The following EVA1A variants were observed in gnomAD, a reference collection of about 807,000 sequenced individuals.
The protein encoded by EVA1A is protein eva-1 homolog A.
Under a neutral mutation model 9.8 loss-of-function variants are expected in EVA1A, and 7 were observed. The observed-to-expected ratio is 0.71, with a 90% CI of 0.41 to 1.34. The LOEUF (loss-of-function observed/expected upper bound fraction) is 1.34. EVA1A is among the 40% of genes most tolerant of loss of function. EVA1A has a pLI of 0.01. For synonymous variants in EVA1A, 90 were observed against 85.6 expected, an observed-to-expected ratio of 1.05 and a Z score of -0.28; for missense variants, 206 against 205.9, an observed-to-expected ratio of 1.00 and a Z score of 0.00.
chr2:75,535,810 A>T (rs550885893), intron 1 of EVA1A, among the ~76,000 whole-genome samples: 1 of 152,210 alleles, frequency 6.6e-6, no homozygotes, highest in Non-Finnish European at 1.5e-5. Context: ...GAGAGATGAA[A>T]ACCTACCCAT....
intron 1 of EVA1A, among the ~76,000 whole-genome samples, chr2:75,543,437 G>A (rs1676210238): frequency 6.6e-6 from 1 of 152,002 alleles, no homozygotes. Context: ...TCCCAAAAGT[G>A]ACTCCTAAGG....
intron 1 of EVA1A, among the ~76,000 whole-genome samples, chr2:75,534,385 G>A (rs1558685231): frequency 6.6e-6 from 1 of 152,004 alleles, no homozygotes; most frequent in Non-Finnish European, 1.5e-5. Flanking sequence ...CCAGCAGATG[G>A]TAAATATATA....
At chr2:75,546,675 G>A (rs992664852) in intron 1 of EVA1A, among the ~76,000 whole-genome samples, 2 of 152,192 alleles carry the variant, frequency 1.3e-5, no homozygotes, top group East Asian at 1.9e-4. Context: ...CATGTTAGGG[G>A]TTGAATTGTG....
chr2:75,532,416 A>C (rs572467801), intron 1 of EVA1A, among the ~76,000 whole-genome samples: 2 of 152,272 alleles, frequency 1.3e-5, no homozygotes, highest in African/African-American at 4.8e-5. Flanking sequence ...TAACAACAAT[A>C]ATAAAAGCCA....
chr2:75,509,039 T>C (rs908063040), intron 3 of EVA1A, among the ~76,000 whole-genome samples: 1 of 152,164 alleles, frequency 6.6e-6, no homozygotes, highest in Non-Finnish European at 1.5e-5. Flanking sequence ...GGAGAGCCTG[T>C]GTCGTGTCTT....
chr2:75,498,171 C>A (rs79201479), intron 3 of EVA1A, among the ~76,000 whole-genome samples: 18 of 152,172 alleles, frequency 1.2e-4, no homozygotes, highest in African/African-American at 4.1e-4. Flanking sequence ...AAAATCATGT[C>A]TTTTGCAGCA....
intron 1 of EVA1A, among the ~76,000 whole-genome samples, chr2:75,528,671 G>A (rs1675539528): frequency 6.6e-6 from 1 of 152,094 alleles, no homozygotes; most frequent in African/African-American, 2.4e-5. Context: ...CCCACCTGAT[G>A]GTCTTTTTCT....
At chr2:75,525,678 A>C (rs1675408248) in intron 1 of EVA1A, among the ~76,000 whole-genome samples, 1 of 152,230 alleles carries the variant, frequency 6.6e-6, no homozygotes, top group Non-Finnish European at 1.5e-5. Context: ...ATGGGCCTTA[A>C]AACAGAATGA....
chr2:75,497,444 C>T (rs931915443), intron 3 of EVA1A, among the ~76,000 whole-genome samples: 1 of 152,078 alleles, frequency 6.6e-6, no homozygotes, highest in Non-Finnish European at 1.5e-5. Flanking sequence ...CATCACTAAT[C>T]GTCAGAGAAA....
intron 2 of EVA1A, chr2:75,518,831 G>T (rs1240065367): frequency 1.0e-6 from 1 of 985,334 alleles, no homozygotes; most frequent in South Asian, 4.7e-5. Flanking sequence ...CATCCCTCAG[G>T]TCACTAAATG....
At chr2:75,528,790 C>G (rs1367814921) in intron 1 of EVA1A, among the ~76,000 whole-genome samples, 1 of 152,186 alleles carries the variant, frequency 6.6e-6, no homozygotes, top group Non-Finnish European at 1.5e-5. Flanking sequence ...GGCAAGCTTG[C>G]ATCCCCCAAT....
At position 75,539,666 on chromosome 2, in the gene EVA1A, A is replaced by C. The variant is rs1241095683; in HGVS notation, c.-191-17179T>G. 2.0e-5 allele frequency among the ~76,000 whole-genome samples: 3 copies of C among 152,238 alleles called. No individual in the cohort carries two copies. The East Asian group carries it at 5.8e-4, about 29-fold the overall frequency. On this transcript the variant is annotated intron_variant, in intron 1 of 3. Coordinates refer to ENST00000393913, the MANE Select transcript of EVA1A (RefSeq NM_001135032.2). The stretch of plus-strand genomic sequence containing the variant: ...AATAGATAATGAAGTCAAGAGTACA[A>C]AGATCTTCTTAAGTTCATATAACCT...
At chr2:75,501,837 T>C (rs902234799) in intron 3 of EVA1A, among the ~76,000 whole-genome samples, 8 of 152,190 alleles carry the variant, frequency 5.3e-5, no homozygotes, top group Non-Finnish European at 8.8e-5. Context: ...AGGATGATCC[T>C]TCAGACCAAA....
intron 1 of EVA1A, among the ~76,000 whole-genome samples, chr2:75,541,545 T>C (rs1676118596): frequency 6.6e-6 from 1 of 152,184 alleles, no homozygotes; most frequent in Non-Finnish European, 1.5e-5. Flanking sequence ...TCAAGTCAGA[T>C]AAGTCTGGGC....
chr2:75,555,618 G>A (rs1231041751), intron 1 of EVA1A, among the ~76,000 whole-genome samples: 4 of 152,106 alleles, frequency 2.6e-5, no homozygotes, highest in African/African-American at 9.7e-5. Context: ...GCCCCAGGAG[G>A]AAACAAGGCC....
chr2:75,517,691 C>T lies in EVA1A; in HGVS notation c.85+365G>A, dbSNP rs878908279. 7.4e-5 allele frequency: 49 copies of T among 663,174 alleles called. No homozygotes were observed. In the South Asian group the frequency reaches 8.3e-4, roughly 11 times the overall value. The allele number at this position is 663,174 out of a possible 1,614,324, so 41.1% of individuals were successfully genotyped here. A position where few individuals can be genotyped will look rare whatever the true frequency, so the allele number is the denominator to read the frequency against. On this transcript the variant is annotated intron_variant, in intron 3 of 3. Transcript: ENST00000393913. Reference sequence around the variant, plus strand: ...CACACACAGTCTCACACACAGGCAGCCTGTGTGAGGTTAACTGCATAGAAT... The same window carrying T: ...CACACACAGTCTCACACACAGGCAGTCTGTGTGAGGTTAACTGCATAGAAT...
At chr2:75,512,360 G>C (rs552880157) in intron 3 of EVA1A, among the ~76,000 whole-genome samples, 197 of 152,276 alleles carry the variant, frequency 1.3e-3, no homozygotes, top group African/African-American at 4.6e-3. Flanking sequence ...ATATGTGGGA[G>C]AGTGTGGGTG....
At chr2:75,544,655 A>C (rs1676264522) in intron 1 of EVA1A, among the ~76,000 whole-genome samples, 1 of 152,238 alleles carries the variant, frequency 6.6e-6, no homozygotes. Flanking sequence ...ACCTCTCATG[A>C]TGATACAACA....
At chr2:75,509,435 T>C (rs17727237) in intron 3 of EVA1A, among the ~76,000 whole-genome samples, 68,340 of 151,940 alleles carry the variant, frequency 0.45, 16,919 homozygotes, top group African/African-American at 0.67. Flanking sequence ...TCTCATGTTA[T>C]TAAAATTTTT....
Sources: allele counts gnomAD v4.1 joint callset (sites outside exome capture counted in the v4.1 genomes callset), GRCh38; gene constraint gnomAD v4.1.1; transcripts MANE v1.5; gene names NCBI Gene and HGNC (gene_info 2026-07-23, HGNC 2026-07-21).